The following DOCK2 variants were observed in gnomAD, a reference collection of about 807,000 sequenced individuals.
DOCK2 encodes dedicator of cytokinesis 2.
DOCK2 carries 87 observed loss-of-function variants against 248.9 expected under a neutral mutation model. That is an observed-to-expected ratio of 0.35 (90% CI 0.29 to 0.42). The LOEUF (loss-of-function observed/expected upper bound fraction) is 0.42, where lower values mean the gene tolerates loss of function less well. DOCK2 is among the 10% of genes least tolerant of loss of function. The pLI, the probability that DOCK2 is intolerant of heterozygous loss-of-function variation, is 1.00. For missense variants in DOCK2, 1,747 were observed against 2,300.2 expected (o/e 0.76, Z 4.92); for synonymous variants, 805 against 821.6 (o/e 0.98, Z 0.35).
intron 29 of DOCK2, among the ~76,000 whole-genome samples, chr5:169,990,659 C>A (rs912938937): frequency 1.3e-5 from 2 of 152,164 alleles, no homozygotes; most frequent in East Asian, 3.8e-4. Flanking sequence ...GGTATCCCAG[C>A]GGCTCAAGAG....
intron 27 of DOCK2, among the ~76,000 whole-genome samples, chr5:169,917,258 T>C (rs1384887745): frequency 6.6e-6 from 1 of 152,222 alleles, no homozygotes; most frequent in African/African-American, 2.4e-5. Context: ...TATAAACTCC[T>C]AGTAGACCAG....
intron 27 of DOCK2, among the ~76,000 whole-genome samples, chr5:169,922,472 T>G (rs564408167): frequency 6.6e-6 from 1 of 152,246 alleles, no homozygotes; most frequent in East Asian, 1.9e-4. Flanking sequence ...TGGTATTGTA[T>G]CCAGACTGGG....
At chr5:169,829,438 ATTTCTGTTAAGC>A (rs550964338) in intron 26 of DOCK2, among the ~76,000 whole-genome samples, 1 of 152,160 alleles carries the variant, frequency 6.6e-6, no homozygotes, top group Admixed American at 6.6e-5. Flanking sequence ...TGAGTGTACA[ATTTCTGTTAAGC>A]TTTTTGAAAT....
intron 6 of DOCK2, among the ~76,000 whole-genome samples, chr5:169,677,141 A>T (rs1293289471): frequency 6.6e-6 from 1 of 152,166 alleles, no homozygotes; most frequent in African/African-American, 2.4e-5. Flanking sequence ...AGGAAACAAC[A>T]GCTGCCTATG....
At chr5:169,832,684 C>T (rs1031929051) in intron 26 of DOCK2, among the ~76,000 whole-genome samples, 5 of 152,150 alleles carry the variant, frequency 3.3e-5, no homozygotes, top group African/African-American at 1.2e-4. Context: ...TAGATGATAT[C>T]TGTTACTATT....
intron 27 of DOCK2, among the ~76,000 whole-genome samples, chr5:169,879,786 A>G (rs1250085334): frequency 1.3e-5 from 2 of 152,196 alleles, no homozygotes; most frequent in Non-Finnish European, 2.9e-5. Flanking sequence ...CATTTTTCAG[A>G]TGGGGAAAAT....
chr5:169,789,489 G>A lies in DOCK2; in HGVS notation c.2555-13569G>A, dbSNP rs576118024. On this transcript the variant is annotated intron_variant, in intron 25 of 51. Transcript: ENST00000520908. The stretch of plus-strand genomic sequence containing the variant: ...TTCTTTCCTTTAGTACACATGGACT[G>A]TTCAAAGGTAAGGAGCATATGTTGT... Among the ~76,000 whole-genome samples, 3 of 152,326 alleles carry A rather than the reference G, an allele frequency of 2.0e-5. No individual in the cohort carries two copies. In the South Asian group the frequency reaches 6.2e-4, roughly 32 times the overall value.
At chr5:170,037,887 A>G (rs76208221) in intron 36 of DOCK2, among the ~76,000 whole-genome samples, 5,525 of 152,294 alleles carry the variant, frequency 0.036, 172 homozygotes, top group South Asian at 0.17. Flanking sequence ...AGGTATTTAC[A>G]GGGCTTTTGT....
chr5:169,810,207 T>C (rs1412363654), intron 26 of DOCK2, among the ~76,000 whole-genome samples: 1 of 152,124 alleles, frequency 6.6e-6, no homozygotes, highest in African/African-American at 2.4e-5. Flanking sequence ...TATTCTTCTT[T>C]TTGCCTTCTT....
chr5:169,963,228 G>A (rs185824654), intron 27 of DOCK2, among the ~76,000 whole-genome samples: 11 of 152,246 alleles, frequency 7.2e-5, no homozygotes, highest in Non-Finnish European at 1.0e-4. Context: ...CGTGGGGTGG[G>A]TATCAGTTTA....
chr5:170,062,132 A>T lies in DOCK2; in HGVS notation c.4467+4466A>T, dbSNP rs867291302. On this transcript the variant is annotated intron_variant, in intron 44 of 51. Transcript: ENST00000520908. ...GTGTGTGTGTGTGTGTGTGTGTGAG[A>T]GAGAGAGAGAGAGAGACAGAGAGAG... 7.7e-3 allele frequency among the ~76,000 whole-genome samples: 1,041 copies of T among 135,202 alleles called. 14 individuals are homozygous for T. Among genetic ancestry groups the T allele is most frequent in the African/African-American group, 0.03 (977 of 32,218 alleles). The allele number at this position is 135,202 out of a possible 152,430, so 88.7% of individuals were successfully genotyped here.
chr5:169,834,875 A>G (rs1322855625), intron 26 of DOCK2, among the ~76,000 whole-genome samples: 1 of 152,224 alleles, frequency 6.6e-6, no homozygotes, highest in African/African-American at 2.4e-5. Context: ...ACAGAAGCAA[A>G]TCTACTTGGA....
At chr5:169,651,804 A>G (rs1439787411) in intron 1 of DOCK2, among the ~76,000 whole-genome samples, 2 of 152,224 alleles carry the variant, frequency 1.3e-5, no homozygotes, top group African/African-American at 4.8e-5. Context: ...GAGAAGCCTC[A>G]GCATCCCCCG....
At chr5:169,862,812 A>T (rs1771289297) in intron 27 of DOCK2, among the ~76,000 whole-genome samples, 2 of 152,346 alleles carry the variant, frequency 1.3e-5, no homozygotes, top group East Asian at 3.9e-4. Context: ...AATTAGGCTC[A>T]ATTTGCAGTG....
intron 25 of DOCK2, among the ~76,000 whole-genome samples, chr5:169,783,106 A>G (rs1226421746): frequency 3.3e-5 from 5 of 152,248 alleles, no homozygotes; most frequent in African/African-American, 1.2e-4. Context: ...GCAAAGCGCC[A>G]TGAGACTTCA....
At chr5:169,641,404 G>GA in intron 1 of DOCK2, among the ~76,000 whole-genome samples, 1 of 152,350 alleles carries the variant, frequency 6.6e-6, no homozygotes, top group South Asian at 2.1e-4. Context: ...TGCTGTCGCA[G>GA]CCCAGGACCC....
intron 5 of DOCK2, among the ~76,000 whole-genome samples, chr5:169,673,856 C>T (rs901457977): frequency 4.6e-5 from 7 of 152,142 alleles, no homozygotes; most frequent in Admixed American, 6.5e-5. Context: ...CTTTGTACCA[C>T]GAAGAGCCAT....
chr5:169,809,383 A>G (rs1221275597), intron 26 of DOCK2, among the ~76,000 whole-genome samples: 1 of 151,978 alleles, frequency 6.6e-6, no homozygotes, highest in Non-Finnish European at 1.5e-5. Flanking sequence ...TGCTCTTCCA[A>G]TTTCTCATCT....
chr5:169,656,409 C>T (rs778116482), intron 2 of DOCK2, among the ~76,000 whole-genome samples: 12 of 151,946 alleles, frequency 7.9e-5, no homozygotes, highest in Non-Finnish European at 1.6e-4. Context: ...CTGCAGCCTC[C>T]GCCTCCCAGA....
Sources: allele counts gnomAD v4.1 joint callset (sites outside exome capture counted in the v4.1 genomes callset), GRCh38; gene constraint gnomAD v4.1.1; transcripts MANE v1.5; gene names NCBI Gene and HGNC (gene_info 2026-07-23, HGNC 2026-07-21).